Variants in TMCC1 observed in about 807,000 individuals in gnomAD.
TMCC1 encodes the protein transmembrane and coiled-coil domain family 1, also known as transmembrane and coiled-coil domains protein 1.
TMCC1 carries 15 observed loss-of-function variants against 52.4 expected under a neutral mutation model. That is an observed-to-expected ratio of 0.29 (90% CI 0.19 to 0.44). The LOEUF (loss-of-function observed/expected upper bound fraction) is 0.44. Among genes scored for constraint, TMCC1 ranks in the 20% least tolerant of loss-of-function variants. The probability of loss-of-function intolerance (pLI) is 1.00; values close to 1 mark genes in which losing one functional copy is unlikely to be tolerated. For missense variants in TMCC1, 503 were observed against 806.0 expected, an observed-to-expected ratio of 0.62 and a Z score of 4.55; for synonymous variants, 279 against 301.9, an observed-to-expected ratio of 0.92 and a Z score of 0.79.
intron 4 of TMCC1, among the ~76,000 whole-genome samples, chr3:129,792,951 C>A (rs1464836917): frequency 6.6e-6 from 1 of 152,246 alleles, no homozygotes; most frequent in East Asian, 1.9e-4. Flanking sequence ...GAAGTACTGG[C>A]AGCAAAATAC....
chr3:129,858,075 A>C (rs1315192749), intron 2 of TMCC1, among the ~76,000 whole-genome samples: 2 of 152,122 alleles, frequency 1.3e-5, no homozygotes, highest in Non-Finnish European at 2.9e-5. Context: ...TACAATGCTA[A>C]CACAACTTTC....
intron 4 of TMCC1, among the ~76,000 whole-genome samples, chr3:129,762,558 C>T (rs976735873): frequency 2.6e-5 from 4 of 151,106 alleles, no homozygotes; most frequent in Non-Finnish European, 5.9e-5. Flanking sequence ...TAGGTCAAGG[C>T]GGGAGAACTG....
At chr3:129,694,413 C>T (rs898438231) in intron 4 of TMCC1, among the ~76,000 whole-genome samples, 1 of 152,244 alleles carries the variant, frequency 6.6e-6, no homozygotes, top group Non-Finnish European at 1.5e-5. Context: ...GAAACGTTTA[C>T]ACCTGAGTAA....
intron 4 of TMCC1, among the ~76,000 whole-genome samples, chr3:129,808,211 G>T (rs1007080594): frequency 1.3e-5 from 2 of 152,098 alleles, no homozygotes; most frequent in African/African-American, 4.8e-5. Context: ...GGCTGGGCAT[G>T]ATGGCTCACG....
chr3:129,719,414 T>C lies in TMCC1; in HGVS notation c.577-48150A>G, dbSNP rs571722695. 3.9e-5 allele frequency among the ~76,000 whole-genome samples: 6 copies of C among 152,316 alleles called. No individual in the cohort carries two copies. In the South Asian group the frequency reaches 1.2e-3, roughly 32 times the overall value. On this transcript the variant is annotated intron_variant, in intron 4 of 6. Transcript: ENST00000393238. ...TTTATAATAGGCCAGTATACACGTT[T>C]TCTTGAATTCTGTAAGCCACTCTAG...
At chr3:129,691,124 T>G (rs2047001825) in intron 4 of TMCC1, among the ~76,000 whole-genome samples, 1 of 152,240 alleles carries the variant, frequency 6.6e-6, no homozygotes, top group African/African-American at 2.4e-5. Context: ...GATAATTTGG[T>G]TTTATGGTTT....
chr3:129,807,780 T>C (rs188619707), intron 4 of TMCC1, among the ~76,000 whole-genome samples: 1 of 152,304 alleles, frequency 6.6e-6, no homozygotes, highest in Non-Finnish European at 1.5e-5. Context: ...TAAAATAAAT[T>C]TTGGAATGGG....
chr3:129,733,502 T>C (rs948671687), intron 4 of TMCC1, among the ~76,000 whole-genome samples: 2 of 152,206 alleles, frequency 1.3e-5, no homozygotes, highest in African/African-American at 4.8e-5. Flanking sequence ...AGGTATAATT[T>C]GTCAGTAAGG....
intron 5 of TMCC1, among the ~76,000 whole-genome samples, chr3:129,658,181 T>C (rs1181524251): frequency 6.6e-6 from 1 of 152,194 alleles, no homozygotes; most frequent in Non-Finnish European, 1.5e-5. Flanking sequence ...AAAACACAAA[T>C]GTGAACACAG....
intron 4 of TMCC1, among the ~76,000 whole-genome samples, chr3:129,715,192 C>G (rs1198915055): frequency 2.0e-5 from 3 of 152,220 alleles, no homozygotes; most frequent in Non-Finnish European, 4.4e-5. Flanking sequence ...GAAAGTATCT[C>G]TGAAGTTCTT....
intron 4 of TMCC1, among the ~76,000 whole-genome samples, chr3:129,784,266 G>A (rs12635110): frequency 0.87 from 131,777 of 152,120 alleles, 57,764 homozygotes; most frequent in East Asian, 1. Context: ...GGTTTATATC[G>A]GGGTAAGTTA....
chr3:129,747,284 A>G (rs2052063417), intron 4 of TMCC1, among the ~76,000 whole-genome samples: 1 of 152,134 alleles, frequency 6.6e-6, no homozygotes, highest in Admixed American at 6.5e-5. Context: ...CCGAAAAAAA[A>G]TTCACACACA....
At chr3:129,791,612 C>G (rs1020734758) in intron 4 of TMCC1, among the ~76,000 whole-genome samples, 1 of 152,116 alleles carries the variant, frequency 6.6e-6, no homozygotes, top group African/African-American at 2.4e-5. Flanking sequence ...TTGGATGGCT[C>G]ACGCAGGAGA....
chr3:129,866,353 T>C (rs1033979502), intron 2 of TMCC1, among the ~76,000 whole-genome samples: 4 of 142,632 alleles, frequency 2.8e-5, no homozygotes, highest in Non-Finnish European at 4.6e-5. Flanking sequence ...TATATATACA[T>C]AATATATATT....
chr3:129,847,524 C>A (rs1017684824), intron 2 of TMCC1: 2 of 152,100 alleles, frequency 1.3e-5, no homozygotes, highest in Non-Finnish European at 1.5e-5. Flanking sequence ...TTTTTATTGC[C>A]GAGTAGTATT....
intron 4 of TMCC1, among the ~76,000 whole-genome samples, chr3:129,714,096 G>A (rs963137520): frequency 7.9e-5 from 12 of 152,134 alleles, no homozygotes; most frequent in African/African-American, 2.9e-4. Flanking sequence ...TCTTCAATAA[G>A]GAAGAAAGCG....
chr3:129,798,741 C>T (rs1172618815), intron 4 of TMCC1, among the ~76,000 whole-genome samples: 2 of 152,132 alleles, frequency 1.3e-5, no homozygotes, highest in Non-Finnish European at 1.5e-5. Context: ...CTACAAACTG[C>T]CCAAATGGGA....
At chr3:129,690,651 C>A (rs1225694610) in intron 4 of TMCC1, among the ~76,000 whole-genome samples, 8 of 152,112 alleles carry the variant, frequency 5.3e-5, no homozygotes, top group Non-Finnish European at 1.2e-4. Context: ...GCTCTTTTAT[C>A]CTCTCTTACC....
intron 4 of TMCC1, among the ~76,000 whole-genome samples, chr3:129,721,156 C>T (rs570066389): frequency 2.2e-4 from 33 of 152,308 alleles, no homozygotes; most frequent in Admixed American, 3.3e-4. Flanking sequence ...TGTGAAAACT[C>T]CTGCAGTTAT....
Sources: gnomAD v4.1 joint callset for allele counts (sites outside exome capture counted in the v4.1 genomes callset) on GRCh38, gnomAD v4.1.1 for gene constraint, MANE v1.5 for transcripts, NCBI Gene and HGNC (gene_info 2026-07-23, HGNC 2026-07-21) for gene names.